GTF2IRD1: variants seen among roughly 807,000 people sequenced by gnomAD.
The protein encoded by GTF2IRD1 is GTF2I repeat domain containing 1, also known as general transcription factor II-I repeat domain-containing protein 1.
GTF2IRD1 carries 26 observed loss-of-function variants against 113.2 expected under a neutral mutation model. The observed-to-expected ratio is 0.23, with a 90% CI of 0.17 to 0.32. The LOEUF (loss-of-function observed/expected upper bound fraction) is 0.32, where lower values mean the gene tolerates loss of function less well. Among genes scored for constraint, GTF2IRD1 ranks in the 10% least tolerant of loss-of-function variants. GTF2IRD1 has a pLI of 1.00. For missense variants in GTF2IRD1, 864 were observed against 1,280.8 expected, an observed-to-expected ratio of 0.67 and a Z score of 4.97; for synonymous variants, 484 against 529.1, an observed-to-expected ratio of 0.91 and a Z score of 1.17.
chr7:74,595,618 T>G (rs2131048962), intron 25 of GTF2IRD1, among the ~76,000 whole-genome samples: 1 of 151,652 alleles, frequency 6.6e-6, no homozygotes, highest in South Asian at 2.1e-4. Context: ...TTGAGAAAAA[T>G]ATAGCCCCTC....
intron 16 of GTF2IRD1, among the ~76,000 whole-genome samples, chr7:74,546,092 C>T (rs1347920595): frequency 1.3e-5 from 2 of 151,956 alleles, no homozygotes; most frequent in Non-Finnish European, 2.9e-5. Context: ...CTCAGCCCTC[C>T]GCCCTCACCC....
rs912260910 is a variant in GTF2IRD1 at position 74,535,039 on chromosome 7, G to C, written c.1275-74G>C. 5 of 1,240,680 alleles carry C rather than the reference G, an allele frequency of 4.0e-6. No individual in the cohort carries two copies. The African/African-American group carries it at 4.4e-5, about 11-fold the overall frequency. 76.9% of individuals were successfully genotyped at this position (1,240,680 alleles called of 1,614,324 possible). A position where few individuals can be genotyped will look rare whatever the true frequency, so the allele number is the denominator to read the frequency against. ...CAGTGACCATCACCAAAGGGGACTG[G>C]AGGCATCTCCCCGAGCCCTGGGAGA... On this transcript the variant is annotated intron_variant, in intron 9 of 26. Coordinates refer to ENST00000424337, the MANE Select transcript of GTF2IRD1 (RefSeq NM_005685.4).
intron 1 of GTF2IRD1, among the ~76,000 whole-genome samples, chr7:74,497,268 A>C (rs782600320): frequency 3.3e-5 from 5 of 152,212 alleles, no homozygotes; most frequent in Non-Finnish European, 7.3e-5. Flanking sequence ...AGTGATTTGC[A>C]TACTCATGTT....
intron 1 of GTF2IRD1, among the ~76,000 whole-genome samples, chr7:74,488,540 T>C (rs1319185771): frequency 6.6e-6 from 1 of 152,032 alleles, no homozygotes; most frequent in East Asian, 1.9e-4. Flanking sequence ...GGAGGATTGC[T>C]TGAGACCAGG....
chr7:74,532,991 C>T (rs1053133796), intron 9 of GTF2IRD1, among the ~76,000 whole-genome samples: 2 of 152,092 alleles, frequency 1.3e-5, no homozygotes, highest in African/African-American at 2.4e-5. Flanking sequence ...CAGGCACCAC[C>T]CTGGTGGGGC....
At chr7:74,595,666 A>G (rs1554372031) in intron 25 of GTF2IRD1, among the ~76,000 whole-genome samples, 1 of 152,176 alleles carries the variant, frequency 6.6e-6, no homozygotes, top group South Asian at 2.1e-4. Flanking sequence ...TGAGGTCTCC[A>G]TGAACAGAGC....
intron 24 of GTF2IRD1, among the ~76,000 whole-genome samples, chr7:74,592,211 T>C (rs1468493546): frequency 1.3e-5 from 2 of 152,026 alleles, no homozygotes; most frequent in African/African-American, 4.8e-5. Context: ...GCAATTCTCC[T>C]GTCTCAGTCT....
At chr7:74,473,122 C>T (rs1794202563) in intron 1 of GTF2IRD1, among the ~76,000 whole-genome samples, 1 of 152,238 alleles carries the variant, frequency 6.6e-6, no homozygotes, top group African/African-American at 2.4e-5. Context: ...CTCCTGACAT[C>T]ACCTGGAGTA....
intron 2 of GTF2IRD1, 36 bp downstream of exon 2, chr7:74,508,239 G>T (rs1796410968): frequency 1.3e-6 from 2 of 1,591,812 alleles, no homozygotes; most frequent in African/African-American, 2.7e-5. Flanking sequence ...GAGGGGACAG[G>T]GTGAGCGTCC....
intron 22 of GTF2IRD1, among the ~76,000 whole-genome samples, chr7:74,572,876 G>A (rs905769204): frequency 1.3e-5 from 2 of 152,112 alleles, no homozygotes; most frequent in African/African-American, 2.4e-5. Context: ...TGGCATCTGC[G>A]GGGCGGGGCT....
chr7:74,486,600 C>CA (rs1795042045), intron 1 of GTF2IRD1, among the ~76,000 whole-genome samples: 1 of 152,074 alleles, frequency 6.6e-6, no homozygotes, highest in African/African-American at 2.4e-5. Context: ...GTGGCCCCTA[C>CA]AGAAGAGGAG....
chr7:74,504,176 T>C (rs1562810500), intron 1 of GTF2IRD1, among the ~76,000 whole-genome samples: 1 of 152,220 alleles, frequency 6.6e-6, no homozygotes, highest in Non-Finnish European at 1.5e-5. Context: ...ACACATGGGT[T>C]GATTCCATGT....
chr7:74,489,735 C>G (rs1795226936), intron 1 of GTF2IRD1, among the ~76,000 whole-genome samples: 1 of 152,172 alleles, frequency 6.6e-6, no homozygotes, highest in Admixed American at 6.5e-5. Context: ...CTCCTTACAC[C>G]TGTCCCAGCT....
intron 6 of GTF2IRD1, among the ~76,000 whole-genome samples, chr7:74,520,930 G>A (rs781979401): frequency 2.7e-5 from 4 of 149,874 alleles, no homozygotes; most frequent in African/African-American, 7.4e-5. Context: ...CCAGGGCTTC[G>A]AACTTATACA....
At chr7:74,489,255 C>T (rs1479038712) in intron 1 of GTF2IRD1, among the ~76,000 whole-genome samples, 3 of 152,246 alleles carry the variant, frequency 2.0e-5, no homozygotes, top group Non-Finnish European at 2.9e-5. Flanking sequence ...CAGATACCCT[C>T]ACCTCCCGGG....
chr7:74,568,371 G>A (rs1800461710), intron 22 of GTF2IRD1, among the ~76,000 whole-genome samples: 3 of 144,054 alleles, frequency 2.1e-5, no homozygotes, highest in South Asian at 2.2e-4. Context: ...AGAAAGGGCC[G>A]GGCGTGGTGG....
chr7:74,511,608 C>T (rs900374681), intron 2 of GTF2IRD1, among the ~76,000 whole-genome samples: 7 of 152,340 alleles, frequency 4.6e-5, no homozygotes, highest in South Asian at 2.1e-4. Context: ...CCTGGCCCCA[C>T]GCCGCGTGCA....
chr7:74,502,080 G>A (rs532711611), intron 1 of GTF2IRD1, among the ~76,000 whole-genome samples: 1 of 152,208 alleles, frequency 6.6e-6, no homozygotes, highest in East Asian at 1.9e-4. Flanking sequence ...CCAAGTAGCT[G>A]GCGCCACAGG....
At chr7:74,513,327 A>C (rs1396128382) in intron 3 of GTF2IRD1, among the ~76,000 whole-genome samples, 1 of 152,134 alleles carries the variant, frequency 6.6e-6, no homozygotes, top group Non-Finnish European at 1.5e-5. Context: ...TTTAAATGAG[A>C]CAGAGTCTTG....
Sources: allele counts gnomAD v4.1 joint callset (sites outside exome capture counted in the v4.1 genomes callset), GRCh38; gene constraint gnomAD v4.1.1; transcripts MANE v1.5; gene names NCBI Gene and HGNC (gene_info 2026-07-23, HGNC 2026-07-21).